The following GRIP1 variants were observed in gnomAD, a reference collection of about 807,000 sequenced individuals.
GRIP1 encodes the protein glutamate receptor interacting protein 1.
A neutral mutation model predicts 129.9 loss-of-function variants in GRIP1; 45 were observed. The ratio of observed to expected loss-of-function variants is 0.35; its 90% CI spans 0.27 to 0.44. GRIP1 has a LOEUF of 0.44. Ranked by LOEUF, GRIP1 falls within the 20% of genes least tolerant of loss-of-function variation. GRIP1 has a pLI of 1.00. For missense variants in GRIP1, 1,196 were observed against 1,396.8 expected, an observed-to-expected ratio of 0.86 and a Z score of 2.29; for synonymous variants, 530 against 520.8, an observed-to-expected ratio of 1.02 and a Z score of -0.24.
At chr12:67,057,317 T>G (rs932174361) in intron 1 of GRIP1, among the ~76,000 whole-genome samples, 1 of 151,642 alleles carries the variant, frequency 6.6e-6, no homozygotes, top group Non-Finnish European at 1.5e-5. Context: ...CTCTCTGCAC[T>G]ACACCTACCA....
upstream of GRIP1, among the ~76,000 whole-genome samples, chr12:66,807,886 T>C (rs1474360559): frequency 6.6e-6 from 1 of 151,998 alleles, no homozygotes; most frequent in Non-Finnish European, 1.5e-5. Flanking sequence ...GAGAACGGAC[T>C]AATACACTTC....
At chr12:66,985,020 C>T (rs1236384044) in intron 1 of GRIP1, among the ~76,000 whole-genome samples, 1 of 152,184 alleles carries the variant, frequency 6.6e-6, no homozygotes, top group Non-Finnish European at 1.5e-5. Context: ...TGAAAGCTTA[C>T]TCACTCTTTG....
At chr12:66,929,239 T>C (rs1362907835) in intron 1 of GRIP1, among the ~76,000 whole-genome samples, 2 of 152,216 alleles carry the variant, frequency 1.3e-5, no homozygotes, top group African/African-American at 4.8e-5. Context: ...CTAAAGGCTC[T>C]TCTAACTCTG....
At chr12:66,876,857 C>T (rs1274864878) in intron 1 of GRIP1, among the ~76,000 whole-genome samples, 1 of 152,050 alleles carries the variant, frequency 6.6e-6, no homozygotes, top group Non-Finnish European at 1.5e-5. Flanking sequence ...TCATGTTCTG[C>T]ATGATTTACC....
chr12:66,378,330 C>T (rs2055915578), intron 20 of GRIP1, among the ~76,000 whole-genome samples: 1 of 152,112 alleles, frequency 6.6e-6, no homozygotes, highest in Non-Finnish European at 1.5e-5. Context: ...CAGGTGCCTG[C>T]AGTCCCAGCT....
chr12:66,948,110 A>G, intron 1 of GRIP1, among the ~76,000 whole-genome samples: 1 of 152,222 alleles, frequency 6.6e-6, no homozygotes, highest in East Asian at 1.9e-4. Flanking sequence ...AAACCGGATG[A>G]TGTGTTTATT....
At chr12:66,791,832 A>C (rs1041186679) in intron 1 of GRIP1, among the ~76,000 whole-genome samples, 1 of 151,578 alleles carries the variant, frequency 6.6e-6, no homozygotes, top group African/African-American at 2.4e-5. Context: ...CATTCCCCTT[A>C]CCCTCCCTGC....
chr12:66,774,589 G>A (rs2037920350), intron 1 of GRIP1, among the ~76,000 whole-genome samples: 1 of 152,164 alleles, frequency 6.6e-6, no homozygotes, highest in Non-Finnish European at 1.5e-5. Context: ...AGCCTTTGAT[G>A]TAGAAAAAAC....
intron 1 of GRIP1, among the ~76,000 whole-genome samples, chr12:66,867,134 G>A (rs905603445): frequency 3.3e-5 from 5 of 152,072 alleles, no homozygotes; most frequent in South Asian, 2.1e-4. Flanking sequence ...GATTGCAGGC[G>A]CAAGCTACCA....
intron 7 of GRIP1, among the ~76,000 whole-genome samples, chr12:66,471,104 T>C (rs1014063815): frequency 2.0e-5 from 3 of 152,144 alleles, no homozygotes; most frequent in Non-Finnish European, 4.4e-5. Context: ...ACCATATAGG[T>C]CATGGCAGAG....
intron 1 of GRIP1, among the ~76,000 whole-genome samples, chr12:66,620,749 A>C (rs2065234282): frequency 1.4e-5 from 2 of 146,148 alleles, no homozygotes; most frequent in South Asian, 4.4e-4. Context: ...TTCTCTTCTT[A>C]TGACACTCTT....
chr12:66,656,520 G>T (rs146241533), intron 1 of GRIP1, among the ~76,000 whole-genome samples: 90 of 152,134 alleles, frequency 5.9e-4, no homozygotes, highest in African/African-American at 2.1e-3. Context: ...AAGACCAATT[G>T]TCTCTTACCA....
At chr12:66,917,516 G>A (rs911269158) in intron 1 of GRIP1, among the ~76,000 whole-genome samples, 3 of 152,174 alleles carry the variant, frequency 2.0e-5, no homozygotes, top group Non-Finnish European at 4.4e-5. Context: ...GTTTAAAACT[G>A]TGTATTTTTC....
chr12:66,583,245 C>T (rs1364498074), intron 2 of GRIP1, among the ~76,000 whole-genome samples: 2 of 150,930 alleles, frequency 1.3e-5, no homozygotes, highest in African/African-American at 4.9e-5. Flanking sequence ...ACACCTTACA[C>T]AAAAATTAAT....
chr12:66,788,531 A>C (rs942135354), intron 1 of GRIP1, among the ~76,000 whole-genome samples: 1 of 151,598 alleles, frequency 6.6e-6, no homozygotes, highest in Non-Finnish European at 1.5e-5. Flanking sequence ...CAGTGATGAG[A>C]TGTCACTTCT....
intron 2 of GRIP1, among the ~76,000 whole-genome samples, chr12:66,546,570 A>C (rs2061953097): frequency 6.6e-6 from 1 of 152,178 alleles, no homozygotes; most frequent in Non-Finnish European, 1.5e-5. Context: ...GGACCCAGGA[A>C]TAGACTCGCA....
At chr12:66,810,245 A>C (rs984229987) in intron 1 of GRIP1, among the ~76,000 whole-genome samples, 1 of 152,202 alleles carries the variant, frequency 6.6e-6, no homozygotes, top group Admixed American at 6.5e-5. Flanking sequence ...AAATAATTAT[A>C]AATAGATTTT....
intron 1 of GRIP1, among the ~76,000 whole-genome samples, chr12:66,928,216 A>T (rs1330751370): frequency 6.6e-6 from 1 of 152,202 alleles, no homozygotes; most frequent in African/African-American, 2.4e-5. Flanking sequence ...TTGAACTCCA[A>T]ATTAGGAGAA....
intron 1 of GRIP1, among the ~76,000 whole-genome samples, chr12:66,716,438 T>C (rs2035889596): frequency 6.6e-6 from 1 of 150,698 alleles, no homozygotes; most frequent in Admixed American, 6.6e-5. Context: ...TGTTAAAATT[T>C]CCCCAAGGGT....
Sources: gnomAD v4.1 joint callset for allele counts (sites outside exome capture counted in the v4.1 genomes callset) on GRCh38, gnomAD v4.1.1 for gene constraint, MANE v1.5 for transcripts, NCBI Gene and HGNC (gene_info 2026-07-23, HGNC 2026-07-21) for gene names.